Variants in C2orf69 observed in about 807,000 individuals in gnomAD.
C2orf69 encodes mitochondrial protein C2orf69.
Under a neutral mutation model 29.5 loss-of-function variants are expected in C2orf69, and 19 were observed. The ratio of observed to expected loss-of-function variants is 0.65; its 90% CI spans 0.45 to 0.95. The LOEUF (loss-of-function observed/expected upper bound fraction) is 0.95, where lower values mean the gene tolerates loss of function less well. C2orf69 is among the 40% of genes least tolerant of loss of function. The pLI is 0.00. For synonymous variants in C2orf69, 194 were observed against 180.0 expected, an observed-to-expected ratio of 1.08 and a Z score of -0.62; for missense variants, 416 against 482.1, an observed-to-expected ratio of 0.86 and a Z score of 1.28.
chr2:199,911,525 G>T lies in C2orf69; in HGVS notation c.87G>T (p.Gln29His). The T allele has an allele frequency of 6.5e-7, 1 of 1,549,768 alleles. No homozygotes were observed. Among genetic ancestry groups the T allele is most frequent in the Non-Finnish European group, 8.7e-7 (1 of 1,146,704 alleles). ...TCGGAAACGCCTCGTCCTGCTCTCA[G>T]GCCAGAACCATGAACCCGGGCGGCA... is the stretch of plus-strand genomic sequence containing the variant. ...LGIGNASSCS[Q>H]ARTMNPGGSG... The change falls in exon 1 of 2, where the codon CAG (glutamine) becomes CAT (histidine). Residue 29 changes from glutamine to histidine, a missense_variant. Physicochemically the swap from Gln to His is conservative, Grantham distance 24. Around this residue, in one of 4 missense-constraint regions of C2orf69, gnomAD observed 175 missense variants for 139.9 expected, o/e 1.25. Transcript: ENST00000319974.
Position 199,911,333 on chromosome 2 carries a change from G to T in C2orf69, c.-106G>T, listed in dbSNP as rs1559290009. Reference sequence around the variant, plus strand: ...CTCAGCGCCGGCTCCCGGCCGGGCCGCGGCCGCCGACCGTTGAGCCGCCGG... The same window carrying T: ...CTCAGCGCCGGCTCCCGGCCGGGCCTCGGCCGCCGACCGTTGAGCCGCCGG... On this transcript the variant is annotated 5_prime_UTR_variant, in exon 1 of 2. Transcript: ENST00000319974. 1 of 1,314,692 alleles carries T rather than the reference G, an allele frequency of 7.6e-7. No individual in the cohort carries two copies. The highest frequency in any genetic ancestry group is 9.8e-7 in the Non-Finnish European group (1 of 1,022,582). 81.4% of individuals were successfully genotyped at this position (1,314,692 alleles called of 1,614,324 possible).
chr2:199,923,063 TC>T (rs2077323211), intron 1 of C2orf69, among the ~76,000 whole-genome samples: 1 of 152,222 alleles, frequency 6.6e-6, no homozygotes, highest in Non-Finnish European at 1.5e-5. Context: ...AGCTCCCACC[TC>T]AGGGCGTTTT....
chr2:199,913,186 T>TATATATAATATATAATATATA (rs2077275159), intron 1 of C2orf69, among the ~76,000 whole-genome samples: 1 of 105,184 alleles, frequency 9.5e-6, no homozygotes, highest in Non-Finnish European at 1.8e-5. Context: ...TATAAAATTA[T>TATATATAATATATAATATATA]ATATATTATA....
intron 1 of C2orf69, among the ~76,000 whole-genome samples, chr2:199,919,437 C>G (rs2077305725): frequency 6.6e-6 from 1 of 152,138 alleles, no homozygotes; most frequent in South Asian, 2.1e-4. Context: ...GGTCATGTAC[C>G]TTGGAGCTTC....
At chr2:199,912,672 G>C (rs781781178) in intron 1 of C2orf69, among the ~76,000 whole-genome samples, 1 of 152,084 alleles carries the variant, frequency 6.6e-6, no homozygotes, top group Non-Finnish European at 1.5e-5. Flanking sequence ...ACGGAGTCTT[G>C]CTTAGTTGCC....
intron 1 of C2orf69, among the ~76,000 whole-genome samples, chr2:199,922,452 T>C (rs976812570): frequency 3.9e-5 from 6 of 152,170 alleles, no homozygotes; most frequent in Non-Finnish European, 5.9e-5. Context: ...TTAGTCCTTA[T>C]TTTACAACCC....
chr2:199,913,606 G>A (rs2077282899), intron 1 of C2orf69, among the ~76,000 whole-genome samples: 1 of 139,062 alleles, frequency 7.2e-6, no homozygotes, highest in African/African-American at 2.7e-5. Flanking sequence ...ATAATTGACT[G>A]GTTTAGTTGA....
Position 199,925,479 on chromosome 2 carries a change from C to T in C2orf69, c.751C>T (p.Pro251Ser). 3.1e-6 allele frequency: 5 copies of T among 1,613,776 alleles called. No homozygotes were observed. Among genetic ancestry groups the T allele is most frequent in the Non-Finnish European group, 4.2e-6 (5 of 1,179,854 alleles). The change falls in exon 2 of 2, where the codon CCA becomes TCA. Residue 251 changes from proline to serine, a missense_variant. Around this residue, in one of 4 missense-constraint regions of C2orf69, gnomAD observed 225 missense variants for 307.3 expected, o/e 0.73. Coordinates refer to ENST00000319974, the MANE Select transcript of C2orf69 (RefSeq NM_153689.6). This position sits in a 1 kb window ranked among gnomAD's most constrained non-coding sequence, Gnocchi z 4.9. ...TGAGTCTGCCATGAGTTTTTATCCA[C>T]CATCACTAAATGACGCATCTTTTAC... The part of the protein sequence containing the change: ...SDESAMSFYP[P>S]SLNDASFTLI...
At chr2:199,916,711 TCTC>T (rs1257465944) in intron 1 of C2orf69, among the ~76,000 whole-genome samples, 2 of 152,170 alleles carry the variant, frequency 1.3e-5, no homozygotes, top group Non-Finnish European at 2.9e-5. Flanking sequence ...TCCAAAATGA[TCTC>T]CTTTAACTCC....
In C2orf69 at chr2:199,926,871, A is replaced by T. The variant is rs776100241; in HGVS notation, c.*985A>T. Reference sequence around the variant, plus strand: ...TATATCAGTCTTTTTGAAAGGATCAACTTGGATAAAATAAATATATAATGC... The same window carrying T: ...TATATCAGTCTTTTTGAAAGGATCATCTTGGATAAAATAAATATATAATGC... On this transcript the variant is annotated 3_prime_UTR_variant, in exon 2 of 2. Coordinates refer to ENST00000319974, the MANE Select transcript of C2orf69 (RefSeq NM_153689.6). 3 of 152,614 alleles carry T rather than the reference A, an allele frequency of 2.0e-5. No individual in the cohort carries two copies. The highest frequency in any genetic ancestry group is 4.4e-5 in the Non-Finnish European group (3 of 68,020). 9.5% of individuals were successfully genotyped at this position (152,614 alleles called of 1,614,324 possible).
intron 1 of C2orf69, among the ~76,000 whole-genome samples, chr2:199,916,727 G>A (rs1477748373): frequency 6.6e-6 from 1 of 152,224 alleles, no homozygotes; most frequent in African/African-American, 2.4e-5. Context: ...TTAACTCCAT[G>A]TCTCATATCT....
rs182893322 is a variant in C2orf69 at position 199,926,029 on chromosome 2, T to A, written c.*143T>A. 1.6e-4 allele frequency: 95 copies of A among 599,206 alleles called. No homozygotes were observed. The East Asian group carries it at 2.5e-3, about 16-fold the overall frequency. The allele number at this position is 599,206 out of a possible 1,614,324, so 37.1% of individuals were successfully genotyped here. ...GAAGCACACATTCCTAAAATGTGAG[T>A]GTAATGTGCAATAGTATTTTTTGCT... On this transcript the variant is annotated 3_prime_UTR_variant, in exon 2 of 2. Coordinates refer to ENST00000319974, the MANE Select transcript of C2orf69 (RefSeq NM_153689.6).
intron 1 of C2orf69, among the ~76,000 whole-genome samples, chr2:199,924,184 G>A (rs1574783704): frequency 2.0e-5 from 3 of 152,280 alleles, no homozygotes; most frequent in South Asian, 2.1e-4. Context: ...GAGGTAGGAG[G>A]ATGGTTTAGC....
chr2:199,915,528 A>G (rs1007694936), intron 1 of C2orf69, among the ~76,000 whole-genome samples: 15 of 149,106 alleles, frequency 1.0e-4, no homozygotes, highest in African/African-American at 3.7e-4. Flanking sequence ...TTTCCTTGAG[A>G]TGGAGTCTTG....
At chr2:199,913,407 A>T (rs191220855) in intron 1 of C2orf69, among the ~76,000 whole-genome samples, 1 of 88,076 alleles carries the variant, frequency 1.1e-5, no homozygotes, top group Non-Finnish European at 2.1e-5. Context: ...TATTATATAT[A>T]ATATATATTC....
At chr2:199,913,324 AAT>A (rs1268071452) in intron 1 of C2orf69, among the ~76,000 whole-genome samples, 1 of 103,208 alleles carries the variant, frequency 9.7e-6, no homozygotes, top group African/African-American at 4.0e-5. Context: ...TATTATATAT[AAT>A]ATATATTCTA....
chr2:199,921,977 AC>A (rs2077317890), intron 1 of C2orf69, among the ~76,000 whole-genome samples: 1 of 136,910 alleles, frequency 7.3e-6, no homozygotes, highest in African/African-American at 2.8e-5. Flanking sequence ...TAATTCTTTC[AC>A]CCCATTCCCT....
intron 1 of C2orf69, among the ~76,000 whole-genome samples, chr2:199,914,416 A>G (rs1163748251): frequency 6.6e-6 from 1 of 152,170 alleles, no homozygotes; most frequent in Non-Finnish European, 1.5e-5. Context: ...AGAAATCTTG[A>G]AGTCATCCAT....
intron 1 of C2orf69, among the ~76,000 whole-genome samples, chr2:199,916,404 A>G (rs567475669): frequency 1.7e-4 from 26 of 152,170 alleles, no homozygotes; most frequent in African/African-American, 6.3e-4. Flanking sequence ...CCCCTCCCAA[A>G]TTTCATGTCC....
Sources: gnomAD v4.1 joint callset for allele counts (sites outside exome capture counted in the v4.1 genomes callset) on GRCh38, gnomAD v4.1.1 for gene constraint, gnomAD v4.1.1 regional missense constraint, Gnocchi (gnomAD v3.1) non-coding constraint, MANE v1.5 for transcripts, NCBI Gene and HGNC (gene_info 2026-07-23, HGNC 2026-07-21) for gene names.